The following CEP85 variants were observed in gnomAD, a reference collection of about 807,000 sequenced individuals.
The protein encoded by CEP85 is centrosomal protein of 85 kDa.
Under a neutral mutation model 93.7 loss-of-function variants are expected in CEP85, and 58 were observed. That is an observed-to-expected ratio of 0.62 (90% CI 0.50 to 0.77). The LOEUF (loss-of-function observed/expected upper bound fraction) is 0.77, where lower values mean the gene tolerates loss of function less well. Ranked by LOEUF, CEP85 falls within the 30% of genes least tolerant of loss-of-function variation. The pLI, the probability that CEP85 is intolerant of heterozygous loss-of-function variation, is 0.00. For missense variants in CEP85, 868 were observed against 922.0 expected (o/e 0.94, Z 0.76); for synonymous variants, 314 against 338.6 (o/e 0.93, Z 0.80).
intron 3 of CEP85, among the ~76,000 whole-genome samples, chr1:26,251,727 A>G (rs1158303212): frequency 1.3e-5 from 2 of 152,132 alleles, no homozygotes; most frequent in Non-Finnish European, 2.9e-5. Context: ...ACACTTTCAA[A>G]CCACAGCAGG....
intron 3 of CEP85, among the ~76,000 whole-genome samples, chr1:26,246,047 CTAGGGAAATACA>C (rs779683447): frequency 1.3e-5 from 2 of 151,916 alleles, no homozygotes; most frequent in South Asian, 4.1e-4. Flanking sequence ...TTTTATTCCT[CTAGGGAAATACA>C]TATGTATTTC....
At chr1:26,260,363 C>T (rs567840340) in intron 7 of CEP85, among the ~76,000 whole-genome samples, 6 of 152,130 alleles carry the variant, frequency 3.9e-5, no homozygotes, top group African/African-American at 9.6e-5. Context: ...TGGTGGCTGG[C>T]GCCTGTAATC....
intron 3 of CEP85, among the ~76,000 whole-genome samples, chr1:26,249,174 C>A (rs546085911): frequency 6.6e-6 from 1 of 152,186 alleles, no homozygotes; most frequent in Non-Finnish European, 1.5e-5. Flanking sequence ...CTCCGCCTCC[C>A]GGGTTCAAGC....
intron 2 of CEP85, among the ~76,000 whole-genome samples, chr1:26,241,848 G>A (rs1040258654): frequency 6.6e-6 from 1 of 151,556 alleles, no homozygotes; most frequent in African/African-American, 2.4e-5. Context: ...TGCAACTTCT[G>A]TCTCCTGGGT....
In CEP85 at chr1:26,255,386, C is replaced by G; in HGVS notation, c.424C>G (p.Pro142Ala). ...NGDLGAMKHS[P>A]GLSRDLMYFS... ...AGACCTCGGTGCAATGAAACATTCT[C>G]CAGGCCTATCTAGAGATCTCATGTA... The change falls in exon 4 of 14, where the codon CCA (proline) becomes GCA (alanine). Residue 142 changes from proline to alanine, a missense_variant. Transcript: ENST00000451429. 6.2e-7 allele frequency: 1 copy of G among 1,614,048 alleles called. No individual in the cohort carries two copies. The highest frequency in any genetic ancestry group is 1.7e-5 in the Admixed American group (1 of 60,002).
chr1:26,273,293 A>G lies in CEP85; in HGVS notation c.1794+1222A>G, dbSNP rs947056915. 3.9e-5 allele frequency among the ~76,000 whole-genome samples: 6 copies of G among 152,264 alleles called. No individual in the cohort carries two copies. In the East Asian group the frequency reaches 1.2e-3, roughly 29 times the overall value. ...TTCACTCAGCGTCTCTTTGGACTCT[A>G]AAAGTTTTCACACCAAAACACCCGA... On this transcript the variant is annotated intron_variant, in intron 11 of 13. Coordinates refer to ENST00000451429, the MANE Select transcript of CEP85 (RefSeq NM_001319944.2).
intron 9 of CEP85, among the ~76,000 whole-genome samples, chr1:26,270,609 C>T (rs1189192614): frequency 6.6e-6 from 1 of 152,208 alleles, no homozygotes; most frequent in Non-Finnish European, 1.5e-5. Context: ...TGGTTAGAGT[C>T]AGAAGTGGGG....
rs1373972647 is a variant in CEP85, at chr1:26,269,521, T to C, written c.1556T>C (p.Leu519Ser). The stretch of plus-strand genomic sequence containing the variant: ...GAGAAAGTGACTGAGCTGGAGAGTT[T>C]GCTGGAGGAGACCCAGGCAATCTGC... ...LQEKVTELES[L>S]LEETQAICRE... Residue 519 changes from leucine (L) to serine (S), a missense_variant, in exon 9 of 14, where the codon TTG (leucine) becomes TCG (serine). Coordinates refer to ENST00000451429, the MANE Select transcript of CEP85 (RefSeq NM_001319944.2). The C allele has an allele frequency of 4.3e-6, 7 of 1,614,126 alleles. No individual in the cohort carries two copies. The highest frequency in any genetic ancestry group is 5.9e-6 in the Non-Finnish European group (7 of 1,179,978).
chr1:26,257,710 A>G lies in CEP85; in HGVS notation c.1017A>G (p.Glu339=), dbSNP rs774741390. 6 of 1,614,170 alleles carry G rather than the reference A, an allele frequency of 3.7e-6. No individual in the cohort carries two copies. Among genetic ancestry groups the G allele is most frequent in the Non-Finnish European group, 5.1e-6 (6 of 1,180,014 alleles). ...ACAGTAATGAACACCTTCTGAAGGA[A>G]AAAGAGCTTCTCATTGACAAGTAAG... ...ILNSNEHLLK[E]KELLIDKQRK... is the part of the protein sequence containing the mutation. Residue 339 remains glutamate, a synonymous_variant, in exon 5 of 14, where the codon GAA becomes GAG. Transcript: ENST00000451429.
At chr1:26,276,010 C>T (rs1392045611) in intron 12 of CEP85, among the ~76,000 whole-genome samples, 5 of 152,224 alleles carry the variant, frequency 3.3e-5, no homozygotes. Context: ...CAGGTTCCAG[C>T]TTCTCCAGCC....
intron 3 of CEP85, among the ~76,000 whole-genome samples, chr1:26,246,055 A>G (rs2089505001): frequency 6.6e-6 from 1 of 152,152 alleles, no homozygotes; most frequent in South Asian, 2.1e-4. Flanking sequence ...CTCTAGGGAA[A>G]TACATATGTA....
chr1:26,271,131 A>T, intron 10 of CEP85, 24 bp downstream of exon 10: 1 of 1,411,854 alleles, frequency 7.1e-7, no homozygotes, highest in Non-Finnish European at 1.0e-6. Flanking sequence ...TCCAGGCTGT[A>T]ACGGAGGGTA....
intron 3 of CEP85, among the ~76,000 whole-genome samples, chr1:26,250,401 G>C (rs1175774254): frequency 6.6e-6 from 1 of 152,176 alleles, no homozygotes; most frequent in African/African-American, 2.4e-5. Context: ...GATGATCTGA[G>C]GTGGAACAGT....
At chr1:26,251,402 T>C (rs1468491982) in intron 3 of CEP85, among the ~76,000 whole-genome samples, 2 of 151,744 alleles carry the variant, frequency 1.3e-5, no homozygotes, top group East Asian at 3.9e-4. Context: ...CAGGCATGCG[T>C]CACCACGCCC....
At chr1:26,275,247 C>T (rs1570052444) in intron 12 of CEP85, among the ~76,000 whole-genome samples, 176 bp downstream of exon 12, 1 of 151,718 alleles carries the variant, frequency 6.6e-6, no homozygotes, top group East Asian at 1.9e-4. Context: ...AGACCCTAAG[C>T]CTGTTTTAGC....
intron 1 of CEP85, among the ~76,000 whole-genome samples, chr1:26,238,767 CTT>C (rs2089371325): frequency 6.6e-6 from 1 of 152,148 alleles, no homozygotes; most frequent in Non-Finnish European, 1.5e-5. Context: ...AAATTGATAA[CTT>C]AATGTTTAGT....
At chr1:26,244,366 A>C in intron 3 of CEP85, 48 bp downstream of exon 3, 4 of 1,559,956 alleles carry the variant, frequency 2.6e-6, no homozygotes, top group Non-Finnish European at 3.5e-6. Flanking sequence ...TCTCATTTTC[A>C]GATTGCATTT....
chr1:26,246,627 G>T (rs1361111447), intron 3 of CEP85, among the ~76,000 whole-genome samples: 2 of 151,944 alleles, frequency 1.3e-5, no homozygotes, highest in African/African-American at 4.8e-5. Context: ...TACTCGGGAG[G>T]CTGAGACAAG....
At chr1:26,251,999 G>A (rs577000010) in intron 3 of CEP85, among the ~76,000 whole-genome samples, 1 of 152,206 alleles carries the variant, frequency 6.6e-6, no homozygotes, top group African/African-American at 2.4e-5. Context: ...TTGGGAGGCC[G>A]AGACAGGTGA....
Sources: allele counts gnomAD v4.1 joint callset (sites outside exome capture counted in the v4.1 genomes callset), GRCh38; gene constraint gnomAD v4.1.1; transcripts MANE v1.5; gene names NCBI Gene and HGNC (gene_info 2026-07-23, HGNC 2026-07-21).